Variants in DOP1B observed in about 807,000 individuals in gnomAD.
DOP1B encodes the protein DOP1 leucine zipper like protein B, also known as protein DOP1B.
DOP1B carries 174 observed loss-of-function variants against 233.5 expected under a neutral mutation model. The ratio of observed to expected loss-of-function variants is 0.75; its 90% CI spans 0.66 to 0.85. DOP1B has a LOEUF of 0.85. Among genes scored for constraint, DOP1B ranks in the 40% least tolerant of loss-of-function variants. The pLI, the probability that DOP1B is intolerant of heterozygous loss-of-function variation, is 0.00. For synonymous variants in DOP1B, 1,190 were observed against 1,185.6 expected, an observed-to-expected ratio of 1.00 and a Z score of -0.08; for missense variants, 2,652 against 2,846.6, an observed-to-expected ratio of 0.93 and a Z score of 1.56.
At chr21:36,257,944 T>C (rs1195750856) in intron 23 of DOP1B, among the ~76,000 whole-genome samples, 1 of 97,640 alleles carries the variant, frequency 1.0e-5, no homozygotes, top group Non-Finnish European at 2.1e-5. Context: ...GATAGGGAGA[T>C]AGATGTAGGT....
At chr21:36,159,520 TTG>T (rs1222687121) in intron 1 of DOP1B, among the ~76,000 whole-genome samples, 3 of 152,200 alleles carry the variant, frequency 2.0e-5, no homozygotes, top group African/African-American at 7.2e-5. Context: ...GAAGACTTGC[TTG>T]GTAGCATACC....
rs200016754 is a variant in DOP1B at position 36,232,944 on chromosome 21, A to C, written c.2491A>C (p.Ile831Leu). The stretch of plus-strand genomic sequence containing the variant: ...CCATTCCCAGTCCCTGGCGCTTGTC[A>C]TTGAAGACAAGATGAAACGCTATAA... ...INHSQSLALVIEDKMKRYKSS... is the reference protein window; with the variant it reads ...INHSQSLALVLEDKMKRYKSS... Residue 831 changes from isoleucine to leucine, a missense_variant, in exon 15 of 37, where the codon ATT becomes CTT. Transcript: ENST00000691173. 6.2e-7 allele frequency: 1 copy of C among 1,614,070 alleles called. No individual in the cohort carries two copies. Among genetic ancestry groups the C allele is most frequent in the Non-Finnish European group, 8.5e-7 (1 of 1,180,020 alleles).
chr21:36,192,813 G>A (rs974198422), intron 2 of DOP1B, among the ~76,000 whole-genome samples: 2 of 151,856 alleles, frequency 1.3e-5, no homozygotes, highest in East Asian at 3.9e-4. Context: ...TCAGCCTCCC[G>A]AGTAGCTGGG....
chr21:36,265,693 G>A (rs1053547085), intron 26 of DOP1B, among the ~76,000 whole-genome samples: 4 of 152,064 alleles, frequency 2.6e-5, no homozygotes, highest in Non-Finnish European at 5.9e-5. Flanking sequence ...GGACCAGGTG[G>A]CATCTGCTTC....
In DOP1B at chr21:36,248,567, A is replaced by G. The variant is rs771932178; in HGVS notation, c.4997A>G (p.Lys1666Arg). The change falls in exon 21 of 37, where the codon AAA (lysine) becomes AGA (arginine). Residue 1666 changes from lysine to arginine, a missense_variant and splice_region_variant. Physicochemically the swap from Lys to Arg is conservative, Grantham distance 26. Coordinates refer to ENST00000691173, the MANE Select transcript of DOP1B (RefSeq NM_001320714.2). The part of the protein sequence containing the change: ...GSSSVYFKTT[K>R]TIRQKILDFL... ...TCTTCCGTTTACTTTAAAACCACCA[A>G]AGTAAGAGGATGTCTCTGTAGTTCT... 4 of 1,602,754 alleles carry G rather than the reference A, an allele frequency of 2.5e-6. No individual in the cohort carries two copies. The highest frequency in any genetic ancestry group is 3.4e-6 in the Non-Finnish European group (4 of 1,175,164).
At chr21:36,164,998 G>T in intron 2 of DOP1B, 127 bp downstream of exon 2, 2 of 752,028 alleles carry the variant, frequency 2.7e-6, no homozygotes, top group Non-Finnish European at 1.8e-6. Flanking sequence ...ATATTATACA[G>T]TATAATCTTT....
chr21:36,185,780 CAG>C (rs1309551357), intron 2 of DOP1B, among the ~76,000 whole-genome samples: 2 of 152,214 alleles, frequency 1.3e-5, no homozygotes, highest in African/African-American at 4.8e-5. Flanking sequence ...AGTGGCAAGA[CAG>C]AGTGGCTTTG....
At chr21:36,226,550 C>T (rs777143451) in intron 12 of DOP1B, among the ~76,000 whole-genome samples, 19 of 152,180 alleles carry the variant, frequency 1.2e-4, no homozygotes, top group African/African-American at 2.4e-4. Flanking sequence ...CCACCAGCCT[C>T]GGCCTCCCAA....
intron 23 of DOP1B, among the ~76,000 whole-genome samples, chr21:36,254,451 C>A (rs1293513509): frequency 6.6e-6 from 1 of 152,010 alleles, no homozygotes; most frequent in Non-Finnish European, 1.5e-5. Context: ...TAGAAAATTA[C>A]AAAAGAGCAG....
chr21:36,247,902 CAT>C (rs2066987790), intron 20 of DOP1B, among the ~76,000 whole-genome samples: 2 of 152,358 alleles, frequency 1.3e-5, no homozygotes, highest in South Asian at 2.1e-4. Flanking sequence ...GCCATGCAAA[CAT>C]AGTTTTCTTC....
Position 36,200,255 on chromosome 21 carries a change from C to T in DOP1B, c.321-76C>T. 3 of 1,492,230 alleles carry T rather than the reference C, an allele frequency of 2.0e-6. No individual in the cohort carries two copies. In the South Asian group the frequency reaches 4.1e-5, roughly 20 times the overall value. 92.4% of individuals were successfully genotyped at this position (1,492,230 alleles called of 1,614,324 possible). A position where few individuals can be genotyped will look rare whatever the true frequency, so the allele number is the denominator to read the frequency against. On this transcript the variant is annotated intron_variant, in intron 3 of 36. Transcript: ENST00000691173. ...CAGCTGTTTGCTTGTGAAAACTCCC[C>T]TCGGCTGGCTTGTCACCTGGGACTT... is the stretch of plus-strand genomic sequence containing the variant.
intron 11 of DOP1B, among the ~76,000 whole-genome samples, chr21:36,223,857 A>G (rs2066653063): frequency 6.6e-6 from 1 of 152,144 alleles, no homozygotes. Context: ...CCCCAGGAAT[A>G]CCGAGCTTTC....
At chr21:36,252,970 C>T (rs925808790) in intron 22 of DOP1B, among the ~76,000 whole-genome samples, 4 of 152,210 alleles carry the variant, frequency 2.6e-5, no homozygotes, top group African/African-American at 9.6e-5. Flanking sequence ...TGACACTCCC[C>T]CAGTGCTCAG....
chr21:36,245,861 T>A lies in DOP1B; in HGVS notation c.3881T>A (p.Phe1294Tyr). 6.2e-7 allele frequency: 1 copy of A among 1,613,850 alleles called. No individual in the cohort carries two copies. The highest frequency in any genetic ancestry group is 8.5e-7 in the Non-Finnish European group (1 of 1,179,996). The change falls in exon 19 of 37, where the codon TTC becomes TAC. Residue 1294 changes from phenylalanine to tyrosine, a missense_variant. Phe to Tyr is a conservative substitution (Grantham distance 22). Transcript: ENST00000691173. This position sits in a 1 kb window ranked among gnomAD's most constrained non-coding sequence, Gnocchi z 5.5. ...RHQEALIGQSFYGKLQTQVPN... is the reference protein window; with the variant it reads ...RHQEALIGQSYYGKLQTQVPN... Reference sequence around the variant, plus strand: ...CAGGAGGCCCTCATTGGCCAGAGTTTCTACGGAAAGCTCCAGACCCAGGTC... The same window carrying A: ...CAGGAGGCCCTCATTGGCCAGAGTTACTACGGAAAGCTCCAGACCCAGGTC...
chr21:36,200,992 C>T (rs1346384297), intron 4 of DOP1B, among the ~76,000 whole-genome samples: 1 of 152,134 alleles, frequency 6.6e-6, no homozygotes, highest in Non-Finnish European at 1.5e-5. Flanking sequence ...AGGGGAAGTC[C>T]CGAGCCCGGA....
rs75907001 is a variant in DOP1B, at chr21:36,230,827, T to A, written c.2043T>A (p.Ser681=). 6.2e-7 allele frequency: 1 copy of A among 1,613,988 alleles called. No homozygotes were observed. The highest frequency in any genetic ancestry group is 2.2e-5 in the East Asian group (1 of 44,880). The change falls in exon 14 of 37, where the codon TCT becomes TCA. Residue 681 remains serine (S), a synonymous_variant. Transcript: ENST00000691173. ...CCAATGATTCCAGCAGGAAGAACTC[T>A]TGGGAGCCCAAGCCCATCACTGTGC... ...LAANDSSRKN[S]WEPKPITVPQ...
chr21:36,247,973 A>C (rs1259256859), intron 20 of DOP1B, among the ~76,000 whole-genome samples: 2 of 152,230 alleles, frequency 1.3e-5, no homozygotes, highest in African/African-American at 4.8e-5. Context: ...CCTGTGAGAT[A>C]ACTTATAAAG....
rs1461535649 is a variant in DOP1B at position 36,289,036 on chromosome 21, A to G, written c.6354-9A>G. On this transcript the variant is annotated splice_polypyrimidine_tract_variant and intron_variant, in intron 34 of 36. Coordinates refer to ENST00000691173, the MANE Select transcript of DOP1B (RefSeq NM_001320714.2). ...AATTTATAACAAGCGTTTCTTTGCAAATTTATAGAAGCACCAACAAAGTAA... is the reference window on the plus strand; with the variant it reads ...AATTTATAACAAGCGTTTCTTTGCAGATTTATAGAAGCACCAACAAAGTAA... The G allele has an allele frequency of 1.9e-6, 3 of 1,610,026 alleles. No individual in the cohort carries two copies. The highest frequency in any genetic ancestry group is 8.5e-7 in the Non-Finnish European group (1 of 1,178,654).
Position 36,199,216 on chromosome 21 carries a change from GACCAA to G in DOP1B, c.287_291del (p.Thr96MetfsTer59). The G allele has an allele frequency of 6.2e-7, 1 of 1,614,118 alleles. No individual in the cohort carries two copies. Among genetic ancestry groups the G allele is most frequent in the Non-Finnish European group, 8.5e-7 (1 of 1,180,016 alleles). On this transcript the variant is annotated frameshift_variant, in exon 3 of 37. Coordinates refer to ENST00000691173, the MANE Select transcript of DOP1B (RefSeq NM_001320714.2). LOFTEE classifies it high-confidence loss of function. ...ACGAGATTATCTTTAAAATCGTGGG[GACCAA>G]ATGGCTGGCCAAGGACTTGTTTCTG...
Sources: allele counts gnomAD v4.1 joint callset (sites outside exome capture counted in the v4.1 genomes callset), GRCh38; gene constraint gnomAD v4.1.1; non-coding constraint Gnocchi (gnomAD v3.1); transcripts MANE v1.5; gene names NCBI Gene and HGNC (gene_info 2026-07-23, HGNC 2026-07-21).